The following GRID2 variants were observed in gnomAD, a reference collection of about 807,000 sequenced individuals.
The protein encoded by GRID2 is glutamate ionotropic receptor delta type subunit 2.
GRID2 carries 33 observed loss-of-function variants against 114.8 expected under a neutral mutation model. That is an observed-to-expected ratio of 0.29 (90% confidence interval 0.22 to 0.38). GRID2 has a LOEUF of 0.38. Among genes scored for constraint, GRID2 ranks in the 10% least tolerant of loss-of-function variants. The pLI, the probability that GRID2 is intolerant of heterozygous loss-of-function variation, is 1.00. For missense variants in GRID2, 1,184 were observed against 1,257.7 expected, an observed-to-expected ratio of 0.94 and a Z score of 0.89; for synonymous variants, 505 against 449.9, an observed-to-expected ratio of 1.12 and a Z score of -1.55.
chr4:92,437,840 C>T (rs1436991768), intron 1 of GRID2, among the ~76,000 whole-genome samples: 1 of 152,086 alleles, frequency 6.6e-6, no homozygotes, highest in Non-Finnish European at 1.5e-5. Context: ...AGAATTAATA[C>T]CTAAAGAAAA....
chr4:93,600,165 C>T (rs1739519648), intron 13 of GRID2, among the ~76,000 whole-genome samples: 1 of 152,126 alleles, frequency 6.6e-6, no homozygotes, highest in African/African-American at 2.4e-5. Flanking sequence ...AGGATTAAAA[C>T]TATGTCTCAG....
chr4:93,425,189 T>C (rs1560606686), intron 10 of GRID2, among the ~76,000 whole-genome samples: 1 of 152,182 alleles, frequency 6.6e-6, no homozygotes, highest in Non-Finnish European at 1.5e-5. Context: ...ACATTTCTGG[T>C]TACATTTGAT....
chr4:92,767,986 G>T (rs956344861), intron 2 of GRID2, among the ~76,000 whole-genome samples: 3 of 150,984 alleles, frequency 2.0e-5, no homozygotes, highest in South Asian at 2.1e-4. Flanking sequence ...TGCTTATTTT[G>T]TATTCTTCTA....
intron 2 of GRID2, among the ~76,000 whole-genome samples, chr4:93,021,675 TATA>T (rs963988292): frequency 3.4e-4 from 49 of 144,684 alleles, no homozygotes; most frequent in Admixed American, 6.3e-4. Flanking sequence ...ATACTATAAA[TATA>T]ATTATTTATA....
intron 2 of GRID2, among the ~76,000 whole-genome samples, chr4:92,615,129 C>A (rs888508081): frequency 6.6e-6 from 1 of 151,474 alleles, no homozygotes; most frequent in Non-Finnish European, 1.5e-5. Context: ...AGTTCCAGTG[C>A]CTGGTAAGGG....
intron 2 of GRID2, among the ~76,000 whole-genome samples, chr4:92,894,978 C>T (rs1747055267): frequency 6.6e-6 from 1 of 151,952 alleles, no homozygotes; most frequent in African/African-American, 2.4e-5. Flanking sequence ...TGGCCAGTGT[C>T]CATTCTAACT....
chr4:93,497,269 T>A (rs1727639233), intron 12 of GRID2, among the ~76,000 whole-genome samples: 1 of 151,774 alleles, frequency 6.6e-6, no homozygotes, highest in African/African-American at 2.4e-5. Context: ...ACAAAGGCTT[T>A]GTCATATAGG....
At chr4:92,845,842 G>T (rs1395622150) in intron 2 of GRID2, among the ~76,000 whole-genome samples, 2 of 152,074 alleles carry the variant, frequency 1.3e-5, no homozygotes, top group African/African-American at 2.4e-5. Context: ...AGTAATTTAA[G>T]GAATGCATTT....
chr4:92,359,162 G>A (rs1038259017), intron 1 of GRID2, among the ~76,000 whole-genome samples: 72 of 151,854 alleles, frequency 4.7e-4, no homozygotes, highest in Non-Finnish European at 5.9e-5. Context: ...CTTCTTTCAC[G>A]ATTTTATGGT....
chr4:92,777,099 C>A (rs894853470), intron 2 of GRID2, among the ~76,000 whole-genome samples: 2 of 151,522 alleles, frequency 1.3e-5, no homozygotes, highest in Admixed American at 6.6e-5. Context: ...CTAGATAATT[C>A]TTCATCCGAG....
chr4:93,410,581 GTTTA>G (rs1767015881), intron 9 of GRID2, among the ~76,000 whole-genome samples: 1 of 151,930 alleles, frequency 6.6e-6, no homozygotes, highest in South Asian at 2.1e-4. Flanking sequence ...CTATTCCTTT[GTTTA>G]TTTGTTTGTT....
At chr4:93,462,243 T>G (rs1723817718) in intron 11 of GRID2, among the ~76,000 whole-genome samples, 3 of 152,176 alleles carry the variant, frequency 2.0e-5, no homozygotes, top group African/African-American at 4.8e-5. Flanking sequence ...TGATGCTAAA[T>G]AAGAAAAACA....
intron 2 of GRID2, among the ~76,000 whole-genome samples, chr4:92,701,010 AG>A (rs1156842486): frequency 1.9e-3 from 285 of 151,594 alleles, no homozygotes; most frequent in African/African-American, 6.7e-3. Context: ...AAAAAAAAAA[AG>A]ACACATACAT....
intron 2 of GRID2, among the ~76,000 whole-genome samples, chr4:92,930,117 G>A (rs541970801): frequency 7.3e-5 from 11 of 151,288 alleles, no homozygotes; most frequent in Admixed American, 2.6e-4. Context: ...TGAGGATACC[G>A]GAAGTCACAC....
intron 2 of GRID2, among the ~76,000 whole-genome samples, chr4:92,616,970 A>G (rs1450502): frequency 0.39 from 59,064 of 151,266 alleles, 12,062 homozygotes; most frequent in African/African-American, 0.52. Context: ...TGTGATACAT[A>G]TAATGTATAG....
At chr4:92,912,921 T>C (rs1180751742) in intron 2 of GRID2, among the ~76,000 whole-genome samples, 1 of 151,868 alleles carries the variant, frequency 6.6e-6, no homozygotes, top group African/African-American at 2.4e-5. Context: ...TTGTATCTTA[T>C]CCATGACACC....
At chr4:92,844,638 G>A (rs1346670467) in intron 2 of GRID2, among the ~76,000 whole-genome samples, 1 of 148,738 alleles carries the variant, frequency 6.7e-6, no homozygotes, top group Non-Finnish European at 1.5e-5. Context: ...GTCCTACATA[G>A]CAAATGATGA....
chr4:93,702,871 A>G (rs1214884251), intron 14 of GRID2, among the ~76,000 whole-genome samples: 1 of 152,162 alleles, frequency 6.6e-6, no homozygotes, highest in African/African-American at 2.4e-5. Context: ...ATAAATACAT[A>G]ATATCTCAAT....
At chr4:92,667,842 G>A (rs889202032) in intron 2 of GRID2, among the ~76,000 whole-genome samples, 3 of 151,666 alleles carry the variant, frequency 2.0e-5, no homozygotes, top group African/African-American at 4.8e-5. Flanking sequence ...AGTTGTTTGC[G>A]TTTCTAAAAC....
Sources: gnomAD v4.1 joint callset for allele counts (sites outside exome capture counted in the v4.1 genomes callset) on GRCh38, gnomAD v4.1.1 for gene constraint, MANE v1.5 for transcripts, NCBI Gene and HGNC (gene_info 2026-07-23, HGNC 2026-07-21) for gene names.